The following SDK1 variants were observed in gnomAD, a reference collection of about 807,000 sequenced individuals.
SDK1 encodes protein sidekick-1.
A neutral mutation model predicts 245.5 loss-of-function variants in SDK1; 157 were observed. The ratio of observed to expected loss-of-function variants is 0.64; its 90% CI spans 0.56 to 0.73. The LOEUF (loss-of-function observed/expected upper bound fraction) is 0.73, where lower values mean the gene tolerates loss of function less well. Ranked by LOEUF, SDK1 falls within the 30% of genes least tolerant of loss-of-function variation. SDK1 has a pLI of 0.00. For missense variants in SDK1, 3,583 were observed against 3,002.3 expected, an observed-to-expected ratio of 1.19 and a Z score of -4.52; for synonymous variants, 1,647 against 1,278.5, an observed-to-expected ratio of 1.29 and a Z score of -6.15.
chr7:3,636,800 A>G (rs1194927627), intron 2 of SDK1, among the ~76,000 whole-genome samples: 1 of 152,208 alleles, frequency 6.6e-6, no homozygotes, highest in Non-Finnish European at 1.5e-5. Context: ...ACCAACTTAC[A>G]TTCCCATGTA....
At chr7:4,115,996 G>C (rs890704019) in intron 25 of SDK1, among the ~76,000 whole-genome samples, 1 of 152,168 alleles carries the variant, frequency 6.6e-6, no homozygotes, top group African/African-American at 2.4e-5. Flanking sequence ...AAGGCCTGTT[G>C]GCATGGGTGG....
intron 5 of SDK1, among the ~76,000 whole-genome samples, chr7:3,861,569 C>G (rs992395500): frequency 6.6e-6 from 1 of 152,242 alleles, no homozygotes; most frequent in Admixed American, 6.5e-5. Flanking sequence ...CGACTCATTT[C>G]CATACTATGG....
chr7:4,245,770 C>T lies in SDK1; in HGVS notation c.6346C>T (p.Leu2116Phe). Residue 2116 changes from leucine to phenylalanine, a missense_variant, in exon 44 of 45, where the codon CTC becomes TTC. By Grantham distance (22) the Leu-to-Phe change is conservative. Coordinates refer to ENST00000404826, the MANE Select transcript of SDK1 (RefSeq NM_152744.4). Reference sequence around the variant, plus strand: ...CGCCGTGCTGACCGAGAGCGTGAGCCTCAAGGAGAAGTCGGCAGATGCATC... The same window carrying T: ...CGCCGTGCTGACCGAGAGCGTGAGCTTCAAGGAGAAGTCGGCAGATGCATC... ...NGAVLTESVS[L>F]KEKSADASES... 1 of 1,613,954 alleles carries T rather than the reference C, an allele frequency of 6.2e-7. No individual in the cohort carries two copies. Among genetic ancestry groups the T allele is most frequent in the Non-Finnish European group, 8.5e-7 (1 of 1,179,948 alleles).
intron 1 of SDK1, among the ~76,000 whole-genome samples, chr7:3,320,962 T>A (rs542775759): frequency 6.6e-6 from 1 of 152,036 alleles, no homozygotes; most frequent in East Asian, 1.9e-4. Context: ...AAAAATTGAA[T>A]GTTGCCTGTA....
At chr7:3,623,049 G>A (rs1243481746) in intron 2 of SDK1, among the ~76,000 whole-genome samples, 1 of 151,994 alleles carries the variant, frequency 6.6e-6, no homozygotes, top group South Asian at 2.1e-4. Flanking sequence ...AAAAAACATG[G>A]ATACTTTATG....
At chr7:3,590,517 A>T (rs574389182) in intron 1 of SDK1, among the ~76,000 whole-genome samples, 2 of 152,292 alleles carry the variant, frequency 1.3e-5, no homozygotes, top group East Asian at 1.9e-4. Context: ...TGTGAATGCT[A>T]ATAAGTTTGA....
At chr7:3,840,849 C>T (rs548084339) in intron 5 of SDK1, among the ~76,000 whole-genome samples, 2 of 152,328 alleles carry the variant, frequency 1.3e-5, no homozygotes, top group African/African-American at 4.8e-5. Context: ...GGGATCGGGA[C>T]CTCTGGGAGT....
chr7:3,917,200 T>C (rs1583560594), intron 5 of SDK1, among the ~76,000 whole-genome samples: 1 of 152,226 alleles, frequency 6.6e-6, no homozygotes, highest in East Asian at 1.9e-4. Flanking sequence ...TAAAAATCAA[T>C]CACTTGAAAG....
At chr7:4,213,468 C>G (rs985427154) in intron 38 of SDK1, among the ~76,000 whole-genome samples, 4 of 151,938 alleles carry the variant, frequency 2.6e-5, no homozygotes, top group African/African-American at 9.7e-5. Context: ...GCCTGTAGTC[C>G]CAGTTACTCG....
At chr7:3,550,203 A>G (rs568246665) in intron 1 of SDK1, among the ~76,000 whole-genome samples, 31 of 152,306 alleles carry the variant, frequency 2.0e-4, no homozygotes, top group African/African-American at 6.7e-4. Flanking sequence ...TATAATTGAG[A>G]TAGCACCAAT....
At chr7:3,505,382 G>T (rs1343177376) in intron 1 of SDK1, among the ~76,000 whole-genome samples, 1 of 152,024 alleles carries the variant, frequency 6.6e-6, no homozygotes, top group African/African-American at 2.4e-5. Context: ...CTCCCAAGTA[G>T]CTAGGACTAC....
chr7:3,762,867 T>C (rs894697340), intron 4 of SDK1, among the ~76,000 whole-genome samples: 4 of 152,354 alleles, frequency 2.6e-5, no homozygotes, highest in African/African-American at 9.6e-5. Flanking sequence ...ATTTAAATGA[T>C]TGATTTTTGA....
At chr7:3,495,634 A>G (rs117941323) in intron 1 of SDK1, among the ~76,000 whole-genome samples, 12 of 152,352 alleles carry the variant, frequency 7.9e-5, no homozygotes, top group East Asian at 3.9e-4. Flanking sequence ...CTTAAAAACA[A>G]AAGTAATGAT....
intron 4 of SDK1, among the ~76,000 whole-genome samples, chr7:3,689,995 T>C (rs1784400871): frequency 6.6e-6 from 1 of 152,252 alleles, no homozygotes. Flanking sequence ...TTTGAGTTGT[T>C]AAGCTACAAA....
chr7:4,101,473 C>A (rs958098984), intron 22 of SDK1, among the ~76,000 whole-genome samples: 1 of 152,160 alleles, frequency 6.6e-6, no homozygotes, highest in African/African-American at 2.4e-5. Flanking sequence ...TTAAAACTCA[C>A]CGATCTGTCA....
At chr7:3,726,108 A>G (rs1299182285) in intron 4 of SDK1, among the ~76,000 whole-genome samples, 2 of 152,240 alleles carry the variant, frequency 1.3e-5, no homozygotes, top group African/African-American at 4.8e-5. Flanking sequence ...AAATAGGTAA[A>G]GCAGGAATTT....
At chr7:3,491,965 T>C (rs1247714710) in intron 1 of SDK1, among the ~76,000 whole-genome samples, 1 of 152,202 alleles carries the variant, frequency 6.6e-6, no homozygotes, top group African/African-American at 2.4e-5. Flanking sequence ...ATATAAAACA[T>C]CATTTAAAAT....
intron 5 of SDK1, among the ~76,000 whole-genome samples, chr7:3,928,000 A>G (rs535379127): frequency 2.0e-5 from 3 of 152,208 alleles, no homozygotes; most frequent in African/African-American, 4.8e-5. Context: ...AAACTGAGCT[A>G]GTGTTGCAGC....
rs7795840 is a variant in SDK1 at position 4,165,536 on chromosome 7, G to A, written c.4800+3680G>A. Among the ~76,000 whole-genome samples, 862 of 152,060 alleles carry A rather than the reference G, an allele frequency of 5.7e-3. 11 individuals are homozygous for A. The highest frequency in any genetic ancestry group is 0.02 in the African/African-American group (823 of 41,464). On this transcript the variant is annotated intron_variant, in intron 32 of 44. Transcript: ENST00000404826. ...AGTAGAACTCCTTCTGTCTTCCAGG[G>A]TGGAGTGCAGTGGTACGATCTCGGC... is the stretch of plus-strand genomic sequence containing the variant.
Sources: gnomAD v4.1 joint callset for allele counts (sites outside exome capture counted in the v4.1 genomes callset) on GRCh38, gnomAD v4.1.1 for gene constraint, MANE v1.5 for transcripts, NCBI Gene and HGNC (gene_info 2026-07-23, HGNC 2026-07-21) for gene names.